The following PDE9A variants were observed in gnomAD, a reference collection of about 807,000 sequenced individuals.
The protein encoded by PDE9A is phosphodiesterase 9A.
PDE9A carries 60 observed loss-of-function variants against 87.4 expected under a neutral mutation model. The ratio of observed to expected loss-of-function variants is 0.69; its 90% CI spans 0.56 to 0.85. The LOEUF (loss-of-function observed/expected upper bound fraction) is 0.85. Among genes scored for constraint, PDE9A ranks in the 40% least tolerant of loss-of-function variants. PDE9A has a pLI of 0.00. For missense variants in PDE9A, 665 were observed against 779.0 expected (o/e 0.85, Z 1.74); for synonymous variants, 272 against 279.4 (o/e 0.97, Z 0.27).
At chr21:42,743,734 C>T (rs1254362308) in intron 7 of PDE9A, 42 bp from the exon 8 acceptor site, 2 of 1,286,084 alleles carry the variant, frequency 1.6e-6, no homozygotes, top group Non-Finnish European at 2.2e-6. Flanking sequence ...CCTCCACATT[C>T]GTCCGTGGTA....
Position 42,772,793 on chromosome 21 carries a change from C to T in PDE9A, c.1768+273C>T, listed in dbSNP as rs528966747. Among the ~76,000 whole-genome samples, 750 of 151,924 alleles carry T rather than the reference C, an allele frequency of 4.9e-3. 4 individuals are homozygous for T. The highest frequency in any genetic ancestry group is 0.017 in the African/African-American group (710 of 41,468). On this transcript the variant is annotated intron_variant, in intron 19 of 19. Transcript: ENST00000291539. Reference sequence around the variant, plus strand: ...GGATTACAGGCATGAGCCACCATGCCTGGCTAGTTTTTCTATTTTTAGTAG... The same window carrying T: ...GGATTACAGGCATGAGCCACCATGCTTGGCTAGTTTTTCTATTTTTAGTAG...
chr21:42,718,006 G>A (rs1343496840), intron 4 of PDE9A, among the ~76,000 whole-genome samples: 1 of 151,208 alleles, frequency 6.6e-6, no homozygotes, highest in Non-Finnish European at 1.5e-5. Flanking sequence ...TGCAACCTCC[G>A]CCTCCTGATT....
At chr21:42,686,106 G>A (rs2059447454) in intron 1 of PDE9A, 86 bp from the exon 2 acceptor site, 1 of 926,948 alleles carries the variant, frequency 1.1e-6, no homozygotes, top group Non-Finnish European at 1.8e-6. Flanking sequence ...CTTCAGTTTG[G>A]AGCCGAAGCG....
chr21:42,673,546 G>A (rs1165675658), intron 1 of PDE9A, among the ~76,000 whole-genome samples: 2 of 152,208 alleles, frequency 1.3e-5, no homozygotes, highest in Non-Finnish European at 2.9e-5. Context: ...CCTAACATAT[G>A]AAGCATATAT....
intron 4 of PDE9A, among the ~76,000 whole-genome samples, chr21:42,715,170 T>A (rs577208150): frequency 6.6e-6 from 1 of 151,224 alleles, no homozygotes; most frequent in East Asian, 1.9e-4. Flanking sequence ...GTTGTAAGTG[T>A]TACAATATGC....
intron 10 of PDE9A, 174 bp from the exon 11 acceptor site, chr21:42,758,825 T>C (rs2055355400): frequency 1.7e-6 from 1 of 577,622 alleles, no homozygotes; most frequent in Admixed American, 2.9e-5. Flanking sequence ...TGAAGACCTC[T>C]CTTCCCATGT....
chr21:42,719,357 A>C (rs1421770362), intron 4 of PDE9A, among the ~76,000 whole-genome samples: 1 of 151,794 alleles, frequency 6.6e-6, no homozygotes, highest in South Asian at 2.1e-4. Flanking sequence ...ATTCTAGGCC[A>C]AGTACAGTGG....
chr21:42,743,682 C>T, intron 7 of PDE9A, 94 bp from the exon 8 acceptor site: 1 of 776,718 alleles, frequency 1.3e-6, no homozygotes, highest in East Asian at 2.7e-5. Flanking sequence ...ATATTCCTCC[C>T]TGGGAGCCAC....
intron 4 of PDE9A, among the ~76,000 whole-genome samples, chr21:42,725,977 C>T (rs1203094548): frequency 6.6e-6 from 1 of 152,132 alleles, no homozygotes; most frequent in Non-Finnish European, 1.5e-5. Flanking sequence ...CGTGTTTCCA[C>T]GGGGGTTGGC....
At position 42,769,194 on chromosome 21, in the gene PDE9A, CAG is replaced by C. The variant is rs1569278308; in HGVS notation, c.1590+41_1590+42del. On this transcript the variant is annotated intron_variant, in intron 17 of 19. Transcript: ENST00000291539. ...ACCACATGTCACACTTGCTTACACT[CAG>C]ATACATGCATGCACACACAGGCACA... The C allele has an allele frequency of 2.5e-6, 4 of 1,593,412 alleles. No homozygotes were observed. In the Admixed American group the frequency reaches 6.7e-5, roughly 27 times the overall value.
intron 3 of PDE9A, among the ~76,000 whole-genome samples, chr21:42,688,544 C>T (rs1429928355): frequency 1.3e-5 from 2 of 152,204 alleles, no homozygotes; most frequent in Admixed American, 6.5e-5. Context: ...CCAGGAAGGA[C>T]GCGGAGCAGG....
At chr21:42,656,936 G>A (rs996892768) in intron 1 of PDE9A, among the ~76,000 whole-genome samples, 3 of 152,254 alleles carry the variant, frequency 2.0e-5, no homozygotes, top group African/African-American at 7.2e-5. Flanking sequence ...CCTGGTCAAT[G>A]AGCCCGCCGT....
chr21:42,719,982 A>T (rs1280213465), intron 4 of PDE9A, among the ~76,000 whole-genome samples: 3 of 152,206 alleles, frequency 2.0e-5, no homozygotes, highest in Admixed American at 1.3e-4. Flanking sequence ...GTCATTTGGC[A>T]TAGAGTCAAA....
Position 42,769,043 on chromosome 21 carries a change from CAGA to C in PDE9A, c.1481_1483del (p.Glu494del). 6.2e-7 allele frequency: 1 copy of C among 1,612,984 alleles called. No homozygotes were observed. On this transcript the variant is annotated inframe_deletion, in exon 17 of 20. Transcript: ENST00000291539. ...TCCCTGCAGAGCGACCGTGAGAAGT[CAGA>C]AGGCCTTCCTGTGGCACCGTTCATG...
At chr21:42,674,316 C>CTTTTT (rs34238765) in intron 1 of PDE9A, among the ~76,000 whole-genome samples, 1,879 of 134,534 alleles carry the variant, frequency 0.014, 70 homozygotes, top group African/African-American at 0.05. Flanking sequence ...TTTAGACATT[C>CTTTTT]TTTTTTTTTT....
At chr21:42,768,149 T>C (rs763572632) in intron 15 of PDE9A, 39 bp from the exon 16 acceptor site, 2 of 1,239,024 alleles carry the variant, frequency 1.6e-6, no homozygotes, top group South Asian at 2.4e-5. Context: ...GCCCGTGTTC[T>C]ACCTCCTGTT....
At chr21:42,697,271 A>AT in intron 3 of PDE9A, 3 of 628,096 alleles carry the variant, frequency 4.8e-6, no homozygotes, top group Non-Finnish European at 8.6e-6. Context: ...CACAGGTTTT[A>AT]TTTTTTCACA....
At chr21:42,725,203 C>T (rs1200995396) in intron 4 of PDE9A, among the ~76,000 whole-genome samples, 1 of 152,174 alleles carries the variant, frequency 6.6e-6, no homozygotes, top group Non-Finnish European at 1.5e-5. Context: ...TCCCTGTCCC[C>T]TGGCAACCAA....
chr21:42,689,838 G>A lies in PDE9A; in HGVS notation c.218+1844G>A, dbSNP rs75328300. 1.6e-3 allele frequency: 1,610 copies of A among 985,136 alleles called. 17 individuals are homozygous for A. The African/African-American group carries it at 0.026, about 16-fold the overall frequency. 61.0% of individuals were successfully genotyped at this position (985,136 alleles called of 1,614,324 possible). ...GATGAGGTACCATGATATGGACATG[G>A]CAGTGGACGTGGACAGGGGAGCAGT... On this transcript the variant is annotated intron_variant, in intron 3 of 19. Transcript: ENST00000291539.
Sources: allele counts gnomAD v4.1 joint callset (sites outside exome capture counted in the v4.1 genomes callset), GRCh38; gene constraint gnomAD v4.1.1; transcripts MANE v1.5; gene names NCBI Gene and HGNC (gene_info 2026-07-23, HGNC 2026-07-21).